The following LLGL2 variants were observed in gnomAD, a reference collection of about 807,000 sequenced individuals.
The protein encoded by LLGL2 is LLGL2, scribble cell polarity complex component.
In LLGL2, 81 loss-of-function variants were observed where a neutral mutation model predicts 123.2. The ratio of observed to expected loss-of-function variants is 0.66; its 90% CI spans 0.55 to 0.79. The LOEUF (loss-of-function observed/expected upper bound fraction) is 0.79. LLGL2 is among the 30% of genes least tolerant of loss of function. The probability of loss-of-function intolerance (pLI) is 0.00; values close to 1 mark genes in which losing one functional copy is unlikely to be tolerated. For synonymous variants in LLGL2, 577 were observed against 594.1 expected, an observed-to-expected ratio of 0.97 and a Z score of 0.42; for missense variants, 1,273 against 1,414.6, an observed-to-expected ratio of 0.90 and a Z score of 1.61.
At chr17:75,545,674 A>G (rs937991033) in intron 2 of LLGL2, among the ~76,000 whole-genome samples, 4 of 152,204 alleles carry the variant, frequency 2.6e-5, no homozygotes, top group African/African-American at 9.7e-5. Flanking sequence ...GTTGTGAGCA[A>G]GGGAGTGAAT....
At position 75,568,572 on chromosome 17, in the gene LLGL2, A is replaced by G. The variant is rs377453029; in HGVS notation, c.1133A>G (p.Tyr378Cys). The G allele has an allele frequency of 6.2e-7, 1 of 1,613,864 alleles. No individual in the cohort carries two copies. Among genetic ancestry groups the G allele is most frequent in the Non-Finnish European group, 8.5e-7 (1 of 1,180,018 alleles). ...TAGWPPVQLP[Y>C]LASLHCSAIT... ...GGCTGGCCACCGGTCCAGCTGCCCTACCTGGCTTCTCTGCACTGTTCCGCC... is the reference window on the plus strand; with the variant it reads ...GGCTGGCCACCGGTCCAGCTGCCCTGCCTGGCTTCTCTGCACTGTTCCGCC... The change falls in exon 11 of 26, where the codon TAC becomes TGC. Residue 378 changes from tyrosine (Y) to cysteine (C), a missense_variant. Tyr to Cys is a radical substitution (Grantham distance 194, BLOSUM62 -2). Coordinates refer to ENST00000392550, the MANE Select transcript of LLGL2 (RefSeq NM_001031803.2).
chr17:75,554,467 C>T (rs552198320), intron 2 of LLGL2, among the ~76,000 whole-genome samples: 20 of 151,766 alleles, frequency 1.3e-4, no homozygotes, highest in South Asian at 4.2e-4. Context: ...AAAAAGTAGC[C>T]GGGTGTGGCA....
At chr17:75,535,705 C>T (rs183131797) in intron 1 of LLGL2, among the ~76,000 whole-genome samples, 10 of 152,342 alleles carry the variant, frequency 6.6e-5, no homozygotes, top group East Asian at 5.8e-4. Context: ...AAGTCCACCC[C>T]GTGTGGTTAT....
chr17:75,539,579 C>G (rs995488066), intron 1 of LLGL2, among the ~76,000 whole-genome samples: 8 of 149,792 alleles, frequency 5.3e-5, no homozygotes, highest in Admixed American at 2.7e-4. Context: ...GTCCTGACCT[C>G]TGTCAGAAAT....
At chr17:75,545,975 A>G (rs2054405040) in intron 2 of LLGL2, among the ~76,000 whole-genome samples, 1 of 152,170 alleles carries the variant, frequency 6.6e-6, no homozygotes, top group African/African-American at 2.4e-5. Context: ...ACTAGATGCC[A>G]GTAGCACATA....
At chr17:75,573,375 C>T in intron 20 of LLGL2, 97 bp downstream of exon 20, 3 of 1,552,982 alleles carry the variant, frequency 1.9e-6, no homozygotes, top group Non-Finnish European at 8.8e-7. Context: ...ACTGGATGGG[C>T]CTTAAGCGGA....
At chr17:75,563,231 A>G (rs1321688168) in intron 7 of LLGL2, 53 bp downstream of exon 7, 15 of 1,609,916 alleles carry the variant, frequency 9.3e-6, no homozygotes, top group Admixed American at 3.3e-5. Flanking sequence ...CAGGGCCCCA[A>G]GTGGCACATA....
At chr17:75,571,464 C>G (rs985862085) in intron 17 of LLGL2, 1 of 595,190 alleles carries the variant, frequency 1.7e-6, no homozygotes, top group Non-Finnish European at 3.0e-6. Context: ...TGACGTGTCT[C>G]TCCCTGGCTG....
chr17:75,573,430 CAGCCTTGGCAGCCG>C (rs758038846), intron 20 of LLGL2, 37 bp from the exon 21 acceptor site: 205 of 1,584,224 alleles, frequency 1.3e-4, no homozygotes, highest in Non-Finnish European at 1.7e-4. Context: ...GGTGGGGAGG[CAGCCTTGGCAGCCG>C]CCAGGCCAGG....
intron 1 of LLGL2, among the ~76,000 whole-genome samples, chr17:75,528,934 G>A (rs1264301476): frequency 9.2e-5 from 14 of 152,006 alleles, no homozygotes; most frequent in African/African-American, 2.7e-4. Context: ...GGAAGCAGGC[G>A]GATCACAAGG....
intron 10 of LLGL2, chr17:75,568,202 T>G: frequency 7.2e-7 from 1 of 1,380,246 alleles, no homozygotes; most frequent in Non-Finnish European, 9.4e-7. Context: ...TGCATGCCTC[T>G]GGGGTGCCTA....
At position 75,539,929 on chromosome 17, in the gene LLGL2, A is replaced by T. The variant is rs73998313; in HGVS notation, c.-30-3468A>T. ...TGGTTGGAAATCATCCCATTTTCTG[A>T]TTTGTGTCCTGTGAAGTGTCTGTTG... On this transcript the variant is annotated intron_variant, in intron 1 of 25. Transcript: ENST00000392550. 5.1e-3 allele frequency among the ~76,000 whole-genome samples: 780 copies of T among 151,996 alleles called. 6 individuals carry two copies. The highest frequency in any genetic ancestry group is 0.018 in the African/African-American group (740 of 41,438).
At chr17:75,571,121 TGG>T in intron 17 of LLGL2, 21 bp downstream of exon 17, 12 of 931,286 alleles carry the variant, frequency 1.3e-5, no homozygotes, top group Non-Finnish European at 1.9e-5. Flanking sequence ...AGCCTGGGGT[TGG>T]GGGGCAGGGG....
intron 2 of LLGL2, 72 bp downstream of exon 2, chr17:75,543,573 C>T: frequency 1.6e-6 from 2 of 1,246,870 alleles, no homozygotes; most frequent in South Asian, 2.7e-5. Flanking sequence ...GCTGAGGCAC[C>T]TCTTACCTGG....
intron 1 of LLGL2, among the ~76,000 whole-genome samples, chr17:75,541,393 T>C (rs988997580): frequency 6.6e-6 from 1 of 152,234 alleles, no homozygotes; most frequent in African/African-American, 2.4e-5. Flanking sequence ...GCTGCAATGC[T>C]GGGCCAGCAG....
Position 75,544,546 on chromosome 17 carries a change from C to T in LLGL2, c.75+1045C>T, listed in dbSNP as rs750509714. On this transcript the variant is annotated intron_variant, in intron 2 of 25. Coordinates refer to ENST00000392550, the MANE Select transcript of LLGL2 (RefSeq NM_001031803.2). This position sits in a 1 kb window ranked among gnomAD's most constrained non-coding sequence, Gnocchi z 4.2. ...ACTTTGCCACATAGAAGCTGGATGGCCGTGTGCCTGTCGCCCACACCATAG... is the reference window on the plus strand; with the variant it reads ...ACTTTGCCACATAGAAGCTGGATGGTCGTGTGCCTGTCGCCCACACCATAG... Among the ~76,000 whole-genome samples the T allele has an allele frequency of 1.8e-4, 27 of 152,352 alleles. No individual in the cohort carries two copies. The highest frequency in any genetic ancestry group is 1.5e-5 in the Non-Finnish European group (1 of 68,040).
Position 75,544,155 on chromosome 17 carries a change from A to G in LLGL2, c.75+654A>G, listed in dbSNP as rs2054321864. 6.6e-6 allele frequency among the ~76,000 whole-genome samples: 1 copy of G among 152,186 alleles called. No individual in the cohort carries two copies. Among genetic ancestry groups the G allele is most frequent in the African/African-American group, 2.4e-5 (1 of 41,450 alleles). On this transcript the variant is annotated intron_variant, in intron 2 of 25. Transcript: ENST00000392550. This position sits in a 1 kb window ranked among gnomAD's most constrained non-coding sequence, Gnocchi z 4.2. ...CCTGAGAAGGTCAGGACGGGCCTGTACGCAGGAGGCGTGCAGTGTGGCTCT... is the reference window on the plus strand; with the variant it reads ...CCTGAGAAGGTCAGGACGGGCCTGTGCGCAGGAGGCGTGCAGTGTGGCTCT...
At chr17:75,535,410 G>C (rs2053963008) in intron 1 of LLGL2, among the ~76,000 whole-genome samples, 1 of 152,372 alleles carries the variant, frequency 6.6e-6, no homozygotes, top group Non-Finnish European at 1.5e-5. Flanking sequence ...GCCCTCTCTG[G>C]TTTCGGCTGG....
At chr17:75,568,723 C>G (rs765542497) in intron 11 of LLGL2, 30 bp downstream of exon 11, 15 of 1,613,156 alleles carry the variant, frequency 9.3e-6, no homozygotes, top group African/African-American at 4.0e-5. Flanking sequence ...CAGCCCCAGC[C>G]CCACCGCAAG....
Sources: gnomAD v4.1 joint callset for allele counts (sites outside exome capture counted in the v4.1 genomes callset) on GRCh38, gnomAD v4.1.1 for gene constraint, Gnocchi (gnomAD v3.1) non-coding constraint, MANE v1.5 for transcripts, NCBI Gene and HGNC (gene_info 2026-07-23, HGNC 2026-07-21) for gene names.